Variants in PHF6 observed in about 807,000 individuals in gnomAD.
PHF6 encodes the protein PHD finger protein 6, also known as PHD-like zinc finger protein.
PHF6 carries 7 observed loss-of-function variants against 34.0 expected under a neutral mutation model. That is an observed-to-expected ratio of 0.21 (90% CI 0.12 to 0.39). PHF6 has a LOEUF of 0.39. Among genes scored for constraint, PHF6 ranks in the 10% least tolerant of loss-of-function variants. The pLI is 1.00. For synonymous variants in PHF6, 89 were observed against 88.4 expected (o/e 1.01, Z -0.04); for missense variants, 128 against 262.8 (o/e 0.49, Z 3.55).
rs1201885068 is a variant in PHF6, at chrX:134,413,907, G to A, written c.670G>A (p.Ala224Thr). 1 of 1,208,161 alleles carries A rather than the reference G, an allele frequency of 8.3e-7. No individual in the cohort carries two copies. Among genetic ancestry groups the A allele is most frequent in the Non-Finnish European group, 1.1e-6 (1 of 893,957 alleles). The part of the protein sequence containing the change: ...FCHVGEEENE[A>T]RGKLHIFNAK... ...CCATGTAGGGGAGGAAGAAAATGAA[G>A]CACGAGGAAAACTGCATATATTTAA... Residue 224 changes from alanine to threonine, a missense_variant, in exon 7 of 11, where the codon GCA becomes ACA. Around this residue, in one of 3 missense-constraint regions of PHF6, gnomAD observed 16 missense variants for 93.7 expected, o/e 0.17. Coordinates refer to ENST00000370803, the MANE Select transcript of PHF6 (RefSeq NM_001015877.2).
At chrX:134,382,509 A>ACCGTTTCACC (rs1403235008) in intron 3 of PHF6, among the ~76,000 whole-genome samples, 1 of 110,181 alleles carries the variant, frequency 9.1e-6, no homozygotes, top group Non-Finnish European at 1.9e-5. Flanking sequence ...TTTCTGGATG[A>ACCGTTTCACC]AGCTAGCTGG....
At chrX:134,399,668 C>G (rs2077393881) in intron 5 of PHF6, among the ~76,000 whole-genome samples, 2 of 108,258 alleles carry the variant, frequency 1.8e-5, no homozygotes, top group South Asian at 4.0e-4. Flanking sequence ...CACACACACA[C>G]AGACACACAC....
At chrX:134,404,616 G>A (rs989318526) in intron 5 of PHF6, among the ~76,000 whole-genome samples, 2 of 111,693 alleles carry the variant, frequency 1.8e-5, no homozygotes, top group Admixed American at 1.9e-4. Context: ...GCTATCAAAC[G>A]GCATCTCATT....
intron 9 of PHF6, among the ~76,000 whole-genome samples, chrX:134,421,481 T>C (rs975885335): frequency 8.9e-6 from 1 of 112,033 alleles, no homozygotes; most frequent in Non-Finnish European, 1.9e-5. Context: ...CCTTAACATT[T>C]TAAAATAACA....
intron 1 of PHF6, among the ~76,000 whole-genome samples, chrX:134,376,406 G>A (rs1276995537): frequency 1.8e-5 from 2 of 111,731 alleles, no homozygotes; most frequent in Non-Finnish European, 1.9e-5. Flanking sequence ...GTGGCAACCT[G>A]GATCTTGAAC....
Position 134,377,740 on chromosome X carries a change from G to T in PHF6, c.123G>T (p.Ala41=), listed in dbSNP as rs573685409. ...TATCTGAAAACCAGAAGGTGGCAGC[G>T]CACCATAAGTGCATGGTAAGTATAC... is the stretch of plus-strand genomic sequence containing the variant. ...LLISENQKVA[A]HHKCMLFSSA... Residue 41 remains alanine, a synonymous_variant, in exon 2 of 11, where the codon GCG becomes GCT. Coordinates refer to ENST00000370803, the MANE Select transcript of PHF6 (RefSeq NM_001015877.2). 8.3e-7 allele frequency: 1 copy of T among 1,208,433 alleles called. No homozygotes were observed. Among genetic ancestry groups the T allele is most frequent in the South Asian group, 1.8e-5 (1 of 56,851 alleles).
intron 1 of PHF6, among the ~76,000 whole-genome samples, chrX:134,374,418 T>C (rs892124346): frequency 8.9e-6 from 1 of 112,238 alleles, no homozygotes; most frequent in African/African-American, 3.2e-5. Context: ...TGTAATAATA[T>C]CGTGCAACCA....
At chrX:134,390,410 A>G (rs886161677) in intron 3 of PHF6, among the ~76,000 whole-genome samples, 2 of 112,414 alleles carry the variant, frequency 1.8e-5, no homozygotes, top group Non-Finnish European at 3.8e-5. Flanking sequence ...CTATAAAAAT[A>G]AAGTAAGCTT....
Position 134,427,519 on chromosome X carries a change from C to T in PHF6, c.*1859C>T, listed in dbSNP as rs1428800775. 1.9e-5 allele frequency: 3 copies of T among 156,721 alleles called. No homozygotes were observed. Among genetic ancestry groups the T allele is most frequent in the Non-Finnish European group, 3.7e-5 (3 of 81,041 alleles). 12.9% of individuals were successfully genotyped at this position (156,721 alleles called of 1,213,427 possible). On this transcript the variant is annotated 3_prime_UTR_variant, in exon 11 of 11. Transcript: ENST00000370803. Reference sequence around the variant, plus strand: ...TTTTTTTAGGAAAAATGGAAGGTGCCGGGGGTAATCATGGCCAGTCAATAA... The same window carrying T: ...TTTTTTTAGGAAAAATGGAAGGTGCTGGGGGTAATCATGGCCAGTCAATAA...
chrX:134,413,469 G>A, intron 5 of PHF6, 22 bp from the exon 6 acceptor site: 2 of 1,207,861 alleles, frequency 1.7e-6, no homozygotes, highest in Non-Finnish European at 2.2e-6. Flanking sequence ...TCCATAAAAA[G>A]TTTTTGTTCA....
intron 9 of PHF6, chrX:134,418,809 A>G (rs1028747454): frequency 4.5e-5 from 5 of 110,056 alleles, no homozygotes; most frequent in Non-Finnish European, 9.5e-5. Flanking sequence ...ACGTTAAAAG[A>G]AAAACAAACA....
chrX:134,380,279 T>C (rs2077301297), intron 3 of PHF6, among the ~76,000 whole-genome samples: 1 of 108,435 alleles, frequency 9.2e-6, no homozygotes, highest in African/African-American at 3.4e-5. Flanking sequence ...CCCAAGTAGC[T>C]GGGACTACAG....
At chrX:134,399,670 GACACACACACACACAGACACACACAC>G (rs1237752801) in intron 5 of PHF6, among the ~76,000 whole-genome samples, 1 of 92,867 alleles carries the variant, frequency 1.1e-5, no homozygotes, top group Non-Finnish European at 2.2e-5. Context: ...CACACACACA[GACACACACACACACAGACACACACAC>G]ACACACACAC....
In PHF6 at chrX:134,417,155, C is replaced by G. The variant is rs1357563046; in HGVS notation, c.835-14C>G. The G allele has an allele frequency of 8.3e-7, 1 of 1,209,858 alleles. No individual in the cohort carries two copies. Among genetic ancestry groups the G allele is most frequent in the African/African-American group, 1.7e-5 (1 of 57,808 alleles). ...TGAAATACGGCTTACGATTATTTCT[C>G]TTTCCTTATACAGAAATGTACACTT... On this transcript the variant is annotated splice_polypyrimidine_tract_variant and intron_variant, in intron 8 of 10. Coordinates refer to ENST00000370803, the MANE Select transcript of PHF6 (RefSeq NM_001015877.2).
rs749724804 is a variant in PHF6 at position 134,426,470 on chromosome X, C to T, written c.*810C>T. ...TCAGACACCATGTCCGAAACCTGTTCCTCTCAAGTGCCCTGTTGTGTGGAA... is the reference window on the plus strand; with the variant it reads ...TCAGACACCATGTCCGAAACCTGTTTCTCTCAAGTGCCCTGTTGTGTGGAA... On this transcript the variant is annotated 3_prime_UTR_variant, in exon 11 of 11. Transcript: ENST00000370803. 1 of 162,326 alleles carries T rather than the reference C, an allele frequency of 6.2e-6. No individual in the cohort carries two copies. The highest frequency in any genetic ancestry group is 9.1e-5 in the East Asian group (1 of 11,027). The allele number at this position is 162,326 out of a possible 1,213,427, so 13.4% of individuals were successfully genotyped here. A position where few individuals can be genotyped will look rare whatever the true frequency, so the allele number is the denominator to read the frequency against.
At chrX:134,422,012 T>G (rs1372124847) in intron 9 of PHF6, among the ~76,000 whole-genome samples, 1 of 110,657 alleles carries the variant, frequency 9.0e-6, no homozygotes, top group East Asian at 2.8e-4. Context: ...CATTGCAGCC[T>G]CAACCTCCCA....
At chrX:134,392,126 G>T (rs1042229643) in intron 3 of PHF6, among the ~76,000 whole-genome samples, 1 of 111,889 alleles carries the variant, frequency 8.9e-6, no homozygotes, top group African/African-American at 3.2e-5. Context: ...TGTTTGACTT[G>T]CTTAGAGAAA....
At chrX:134,411,933 C>T (rs1036033495) in intron 5 of PHF6, among the ~76,000 whole-genome samples, 6 of 111,390 alleles carry the variant, frequency 5.4e-5, no homozygotes, top group Non-Finnish European at 7.5e-5. Context: ...GGGGTTTCAC[C>T]ATATTGGCCA....
At chrX:134,415,715 A>G (rs1370870730) in intron 8 of PHF6, among the ~76,000 whole-genome samples, 1 of 111,352 alleles carries the variant, frequency 9.0e-6, no homozygotes, top group Non-Finnish European at 1.9e-5. Flanking sequence ...GAAAATTTTC[A>G]AACATACCGC....
Sources: allele counts gnomAD v4.1 joint callset (sites outside exome capture counted in the v4.1 genomes callset), GRCh38; gene constraint gnomAD v4.1.1; regional missense constraint gnomAD v4.1.1; transcripts MANE v1.5; gene names NCBI Gene and HGNC (gene_info 2026-07-23, HGNC 2026-07-21).